DLGAP1: variants seen among roughly 807,000 people sequenced by gnomAD.
The protein encoded by DLGAP1 is disks large-associated protein 1.
In DLGAP1, 11 loss-of-function variants were observed where a neutral mutation model predicts 90.8. The ratio of observed to expected loss-of-function variants is 0.12; its 90% CI spans 0.08 to 0.20. The LOEUF (loss-of-function observed/expected upper bound fraction) is 0.20. DLGAP1 is among the 10% of genes least tolerant of loss of function. The pLI, the probability that DLGAP1 is intolerant of heterozygous loss-of-function variation, is 1.00. For missense variants in DLGAP1, 1,050 were observed against 1,333.8 expected (o/e 0.79, Z 3.31); for synonymous variants, 558 against 540.7 (o/e 1.03, Z -0.44).
intron 1 of DLGAP1, among the ~76,000 whole-genome samples, chr18:4,217,038 C>T (rs1054447542): frequency 1.3e-5 from 2 of 151,942 alleles, no homozygotes; most frequent in Non-Finnish European, 1.5e-5. Flanking sequence ...TATATCCGTC[C>T]GTCTCTCCCT....
At chr18:3,960,847 C>T (rs1010213066) in intron 3 of DLGAP1, among the ~76,000 whole-genome samples, 6 of 152,214 alleles carry the variant, frequency 3.9e-5, no homozygotes, top group Non-Finnish European at 8.8e-5. Context: ...TCCAGGTGGC[C>T]TGGGCCTTGG....
chr18:4,265,926 G>A (rs113502400), intron 1 of DLGAP1, among the ~76,000 whole-genome samples: 3,337 of 151,558 alleles, frequency 0.022, 129 homozygotes, highest in African/African-American at 0.077. Flanking sequence ...TGGCTCAAGC[G>A]ATCCTCCCTC....
intron 2 of DLGAP1, among the ~76,000 whole-genome samples, chr18:4,092,457 C>T (rs1364211083): frequency 6.6e-6 from 1 of 152,124 alleles, no homozygotes; most frequent in Non-Finnish European, 1.5e-5. Context: ...GGTAGATCTC[C>T]CATGAGAGAT....
chr18:4,119,765 T>A lies in DLGAP1; in HGVS notation c.-159+31415A>T, dbSNP rs572426017. Among the ~76,000 whole-genome samples the A allele has an allele frequency of 2.0e-4, 30 of 152,352 alleles. No individual in the cohort carries two copies. The South Asian group carries it at 6.2e-3, about 32-fold the overall frequency. ...ATCTACCCACAAAGATGTGGATCAC[T>A]ATTAATCTGGAAATTTTCTGTTTCT... On this transcript the variant is annotated intron_variant, in intron 2 of 12. Coordinates refer to ENST00000315677, the MANE Select transcript of DLGAP1 (RefSeq NM_004746.4).
At chr18:3,671,167 G>C (rs955454090) in intron 7 of DLGAP1, among the ~76,000 whole-genome samples, 3 of 140,384 alleles carry the variant, frequency 2.1e-5, no homozygotes, top group African/African-American at 8.3e-5. Flanking sequence ...CCTGCTTCTG[G>C]CCTTTGCTCT....
At chr18:4,021,870 A>C (rs2074615896) in intron 2 of DLGAP1, among the ~76,000 whole-genome samples, 5 of 152,186 alleles carry the variant, frequency 3.3e-5, no homozygotes, top group Admixed American at 2.6e-4. Flanking sequence ...AAGTGCTGGG[A>C]TTACAGGCGT....
chr18:3,686,137 C>T lies in DLGAP1; in HGVS notation c.1591+42998G>A, dbSNP rs975713461. ...GTTGCTGTGAGCTGAGATTGTGCCA[C>T]TACACTCCAGCCTGGGTGACAGAGG... is the stretch of plus-strand genomic sequence containing the variant. On this transcript the variant is annotated intron_variant, in intron 7 of 12. Transcript: ENST00000315677. 4.6e-5 allele frequency among the ~76,000 whole-genome samples: 7 copies of T among 152,220 alleles called. No individual in the cohort carries two copies. In the South Asian group the frequency reaches 1.5e-3, roughly 32 times the overall value.
chr18:4,017,619 G>T (rs2074544023), intron 2 of DLGAP1, among the ~76,000 whole-genome samples: 1 of 152,212 alleles, frequency 6.6e-6, no homozygotes, highest in African/African-American at 2.4e-5. Context: ...GAGTGCCCCT[G>T]CTGAAACTGC....
chr18:3,847,037 A>G (rs577392788), intron 4 of DLGAP1, among the ~76,000 whole-genome samples: 1 of 152,332 alleles, frequency 6.6e-6, no homozygotes, highest in East Asian at 1.9e-4. Flanking sequence ...TGCTCATGAT[A>G]TATGATCTTT....
chr18:4,291,422 G>A (rs2079845674), intron 1 of DLGAP1, among the ~76,000 whole-genome samples: 1 of 152,040 alleles, frequency 6.6e-6, no homozygotes, highest in Non-Finnish European at 1.5e-5. Context: ...TAAGCATATT[G>A]TTTATAGAAC....
intron 7 of DLGAP1, among the ~76,000 whole-genome samples, chr18:3,675,286 A>G (rs1236725167): frequency 6.6e-6 from 1 of 152,114 alleles, no homozygotes; most frequent in Non-Finnish European, 1.5e-5. Context: ...GGTTGTCCAG[A>G]GTGGTCTTGA....
chr18:4,087,603 CCT>C (rs1193207714), intron 2 of DLGAP1, among the ~76,000 whole-genome samples: 1 of 152,094 alleles, frequency 6.6e-6, no homozygotes, highest in Non-Finnish European at 1.5e-5. Flanking sequence ...CTGTGAGACC[CCT>C]GATTTCCCAC....
At chr18:3,524,210 G>C (rs1037236771) in intron 10 of DLGAP1, among the ~76,000 whole-genome samples, 1 of 151,946 alleles carries the variant, frequency 6.6e-6, no homozygotes, top group Non-Finnish European at 1.5e-5. Context: ...GGGCAGTTAA[G>C]TCTGCAGTAA....
chr18:3,555,325 T>C (rs1788986786), intron 9 of DLGAP1, among the ~76,000 whole-genome samples: 2 of 152,190 alleles, frequency 1.3e-5, no homozygotes. Flanking sequence ...GTACTAAAAT[T>C]GGCCTGCCAA....
chr18:3,546,550 G>C (rs2053032997), intron 9 of DLGAP1, among the ~76,000 whole-genome samples: 1 of 151,710 alleles, frequency 6.6e-6, no homozygotes, highest in Non-Finnish European at 1.5e-5. Flanking sequence ...TATGTTGTCT[G>C]ACCACAATGG....
chr18:4,090,262 T>A (rs1299825770), intron 2 of DLGAP1, among the ~76,000 whole-genome samples: 2 of 152,072 alleles, frequency 1.3e-5, no homozygotes, highest in African/African-American at 4.8e-5. Flanking sequence ...CTAATTAAAC[T>A]AAAGAGCTTT....
intron 1 of DLGAP1, among the ~76,000 whole-genome samples, chr18:4,448,281 T>C (rs2083718230): frequency 6.6e-6 from 1 of 152,202 alleles, no homozygotes. Flanking sequence ...ATTTCCTACA[T>C]TTTAATCGTA....
intron 3 of DLGAP1, among the ~76,000 whole-genome samples, chr18:3,999,722 G>GA (rs11400031): frequency 0.95 from 145,069 of 152,292 alleles, 69,101 homozygotes; most frequent in East Asian, 1. Context: ...TTATTGGGGG[G>GA]AAAAGTGGCC....
chr18:3,907,837 AC>A (rs2148890858), intron 3 of DLGAP1, among the ~76,000 whole-genome samples: 1 of 152,322 alleles, frequency 6.6e-6, no homozygotes, highest in South Asian at 2.1e-4. Context: ...GGCTGTGAGG[AC>A]GTAACCCATT....
Sources: gnomAD v4.1 joint callset for allele counts (sites outside exome capture counted in the v4.1 genomes callset) on GRCh38, gnomAD v4.1.1 for gene constraint, MANE v1.5 for transcripts, NCBI Gene and HGNC (gene_info 2026-07-23, HGNC 2026-07-21) for gene names.